CPS1: variants seen among roughly 807,000 people sequenced by gnomAD.
CPS1 encodes carbamoyl-phosphate synthase [ammonia], mitochondrial.
A neutral mutation model predicts 174.6 loss-of-function variants in CPS1; 109 were observed. That is an observed-to-expected ratio of 0.62 (90% confidence interval 0.53 to 0.73). CPS1 has a LOEUF of 0.73. Among genes scored for constraint, CPS1 ranks in the 30% least tolerant of loss-of-function variants. The pLI, the probability that CPS1 is intolerant of heterozygous loss-of-function variation, is 0.00. For synonymous variants in CPS1, 637 were observed against 632.0 expected (o/e 1.01, Z -0.12); for missense variants, 1,689 against 1,821.9 (o/e 0.93, Z 1.33).
intron 1 of CPS1, among the ~76,000 whole-genome samples, chr2:210,511,801 A>C (rs1335328785): frequency 2.0e-5 from 3 of 152,084 alleles, no homozygotes; most frequent in Non-Finnish European, 2.9e-5. Context: ...TAAACTCAAA[A>C]CTGACTGAAA....
At chr2:210,581,050 A>G (rs1004445266) in intron 5 of CPS1, among the ~76,000 whole-genome samples, 4 of 152,098 alleles carry the variant, frequency 2.6e-5, no homozygotes, top group African/African-American at 4.8e-5. Flanking sequence ...TTATGCCATC[A>G]TTCTATCCCA....
intron 5 of CPS1, 51 bp downstream of exon 5, chr2:210,579,821 T>A (rs1697854429): frequency 7.0e-7 from 1 of 1,431,454 alleles, no homozygotes; most frequent in African/African-American, 1.4e-5. Context: ...TGTGTGTGTG[T>A]GTGTGTGTGT....
chr2:210,600,792 T>C, intron 15 of CPS1, 80 bp downstream of exon 15: 3 of 1,446,604 alleles, frequency 2.1e-6, no homozygotes, highest in Admixed American at 1.7e-5. Flanking sequence ...TGCCTAATAA[T>C]AATAGTTAAG....
At chr2:210,596,073 G>C (rs1698471896) in intron 13 of CPS1, among the ~76,000 whole-genome samples, 1 of 151,766 alleles carries the variant, frequency 6.6e-6, no homozygotes, top group African/African-American at 2.4e-5. Flanking sequence ...CTGTCACTGG[G>C]GGACACAGTT....
At chr2:210,617,829 C>T (rs1574599696) in intron 21 of CPS1, 1 of 151,872 alleles carries the variant, frequency 6.6e-6, no homozygotes, top group South Asian at 2.1e-4. Flanking sequence ...TTTATGATGC[C>T]AGCAGAACTT....
chr2:210,642,278 C>A (rs1239895725), intron 24 of CPS1, among the ~76,000 whole-genome samples: 1 of 152,100 alleles, frequency 6.6e-6, no homozygotes, highest in Admixed American at 6.5e-5. Flanking sequence ...CCCAATATTT[C>A]CTTGCTGTTT....
At chr2:210,520,509 T>G (rs1432272558) in intron 1 of CPS1, among the ~76,000 whole-genome samples, 1 of 152,040 alleles carries the variant, frequency 6.6e-6, no homozygotes, top group African/African-American at 2.4e-5. Flanking sequence ...TTCCCCTCCC[T>G]GTGTCCATGT....
intron 1 of CPS1, among the ~76,000 whole-genome samples, chr2:210,513,139 T>A (rs111408387): frequency 6.9e-6 from 1 of 143,944 alleles, no homozygotes; most frequent in Non-Finnish European, 1.5e-5. Flanking sequence ...TATGGAGATA[T>A]ATATATGGGG....
chr2:210,477,709 G>GA (rs990106910), exon 1 of CPS1: 13 of 1,608,194 alleles, frequency 8.1e-6, no homozygotes, highest in Non-Finnish European at 1.1e-5. Context: ...GCTTTCTTAG[G>GA]AAATGTAGTT....
chr2:210,573,449 A>G, intron 2 of CPS1, 42 bp downstream of exon 2: 1 of 1,396,160 alleles, frequency 7.2e-7, no homozygotes, highest in Non-Finnish European at 1.0e-6. Context: ...CCTCTAGTAG[A>G]GAAATAACTG....
chr2:210,677,997 C>A lies in CPS1; in HGVS notation c.*12C>A, dbSNP rs762783091. On this transcript the variant is annotated 3_prime_UTR_variant, in exon 38 of 38. Coordinates refer to ENST00000233072, the MANE Select transcript of CPS1 (RefSeq NM_001875.5). ...GAAAAGCAGCATAGAGATGCAGACA[C>A]CCCAGCCCCATTATTAAATCAACCT... is the stretch of plus-strand genomic sequence containing the variant. 1.1e-5 allele frequency: 17 copies of A among 1,582,780 alleles called. No individual in the cohort carries two copies. The African/African-American group carries it at 1.6e-4, about 15-fold the overall frequency.
chr2:210,587,749 T>G (rs74463136), intron 6 of CPS1, among the ~76,000 whole-genome samples: 2,168 of 152,238 alleles, frequency 0.014, 47 homozygotes, highest in African/African-American at 0.05. Flanking sequence ...CTACCAGTTG[T>G]TAATGAGGCA....
chr2:210,557,391 C>A (rs949906987), intron 1 of CPS1, among the ~76,000 whole-genome samples: 2 of 152,066 alleles, frequency 1.3e-5, no homozygotes, highest in Non-Finnish European at 2.9e-5. Context: ...TTCCTTCTGG[C>A]TGTTTTTTTG....
chr2:210,562,830 T>A (rs1482103646), intron 1 of CPS1, among the ~76,000 whole-genome samples: 2 of 151,886 alleles, frequency 1.3e-5, no homozygotes, highest in Non-Finnish European at 2.9e-5. Flanking sequence ...TTTTCATTTT[T>A]ACTACTAGCT....
intron 21 of CPS1, among the ~76,000 whole-genome samples, chr2:210,629,847 G>A (rs1180705258): frequency 6.1e-5 from 9 of 147,200 alleles, no homozygotes. Flanking sequence ...TCAGGAGATC[G>A]AGACCATCCT....
At chr2:210,601,894 C>T (rs1260582807) in intron 15 of CPS1, among the ~76,000 whole-genome samples, 1 of 151,774 alleles carries the variant, frequency 6.6e-6, no homozygotes, top group Non-Finnish European at 1.5e-5. Flanking sequence ...AATATGGCTG[C>T]CATTCTCAAA....
rs1358993534 is a variant in CPS1, at chr2:210,642,650, C to T, written c.3126C>T (p.Asp1042=). ...FEELSLERIL[D]IYHQEACGGC... ...AGTTGTCCTTGGAGAGAATCCTAGA[C>T]ATCTACCATCAGGAGGTAAGAAAAG... The change falls in exon 25 of 38, where the codon GAC becomes GAT. Residue 1042 remains aspartate, a synonymous_variant. Transcript: ENST00000233072. The T allele has an allele frequency of 1.4e-5, 23 of 1,613,512 alleles. No individual in the cohort carries two copies. The highest frequency in any genetic ancestry group is 3.3e-5 in the Admixed American group (2 of 59,956).
chr2:210,603,559 C>G (rs867346833), intron 16 of CPS1, among the ~76,000 whole-genome samples: 2 of 151,882 alleles, frequency 1.3e-5, no homozygotes, highest in South Asian at 2.1e-4. Flanking sequence ...CAAATATTTT[C>G]AATATTAACA....
chr2:210,668,110 T>A (rs1187223271), intron 33 of CPS1, 76 bp from the exon 34 acceptor site: 1 of 867,146 alleles, frequency 1.2e-6, no homozygotes, highest in African/African-American at 1.7e-5. Context: ...GTGTGTATTT[T>A]AATTTTAATT....
Sources: allele counts gnomAD v4.1 joint callset (sites outside exome capture counted in the v4.1 genomes callset), GRCh38; gene constraint gnomAD v4.1.1; transcripts MANE v1.5; gene names NCBI Gene and HGNC (gene_info 2026-07-23, HGNC 2026-07-21).